The following WWOX variants were observed in gnomAD, a reference collection of about 807,000 sequenced individuals.
The protein encoded by WWOX is WW domain containing oxidoreductase.
A neutral mutation model predicts 46.2 loss-of-function variants in WWOX; 69 were observed. That is an observed-to-expected ratio of 1.49 (90% CI 1.23 to 1.82). The LOEUF (loss-of-function observed/expected upper bound fraction) is 1.82, where lower values mean the gene tolerates loss of function less well. Among genes scored for constraint, WWOX ranks in the 40% most tolerant of loss-of-function variants. The pLI, the probability that WWOX is intolerant of heterozygous loss-of-function variation, is 0.00. For synonymous variants in WWOX, 359 were observed against 202.6 expected (o/e 1.77, Z -6.56); for missense variants, 919 against 542.6 (o/e 1.69, Z -6.89).
intron 8 of WWOX, among the ~76,000 whole-genome samples, chr16:78,913,887 C>T (rs1276579958): frequency 6.6e-6 from 1 of 151,924 alleles, no homozygotes; most frequent in Non-Finnish European, 1.5e-5. Flanking sequence ...TCTCAAAGTC[C>T]TGGCCTCAAG....
chr16:78,529,632 A>AT (rs934838713), intron 8 of WWOX, among the ~76,000 whole-genome samples: 50 of 149,318 alleles, frequency 3.3e-4, no homozygotes, highest in East Asian at 2.2e-3. Context: ...ACACCTGGCA[A>AT]TTTTTTTTTT....
At chr16:79,187,984 C>G (rs190757352) in intron 8 of WWOX, among the ~76,000 whole-genome samples, 92 of 152,372 alleles carry the variant, frequency 6.0e-4, no homozygotes, top group Admixed American at 3.3e-3. Context: ...TCCACTCTCT[C>G]TCCCATGCAC....
chr16:78,628,946 C>G (rs1353746072), intron 8 of WWOX, among the ~76,000 whole-genome samples: 1 of 152,190 alleles, frequency 6.6e-6, no homozygotes, highest in African/African-American at 2.4e-5. Flanking sequence ...GGAGATGTTT[C>G]CGTTCTATTT....
At chr16:78,384,427 T>C (rs989594825) in intron 5 of WWOX, among the ~76,000 whole-genome samples, 3 of 152,152 alleles carry the variant, frequency 2.0e-5, no homozygotes, top group East Asian at 1.9e-4. Flanking sequence ...ATTTACACTT[T>C]GAAAATATTT....
At position 78,679,573 on chromosome 16, in the gene WWOX, A is replaced by T. The variant is rs149508978; in HGVS notation, c.1056+246821A>T. On this transcript the variant is annotated intron_variant, in intron 8 of 8. Transcript: ENST00000566780. ...CTCAAAACATAAGTAAATAAATAAAAAATAAATATAATACAGACACAGGCT... is the reference window on the plus strand; with the variant it reads ...CTCAAAACATAAGTAAATAAATAAATAATAAATATAATACAGACACAGGCT... 3.9e-5 allele frequency among the ~76,000 whole-genome samples: 6 copies of T among 152,254 alleles called. No homozygotes were observed. In the South Asian group the frequency reaches 1.0e-3, roughly 26 times the overall value.
chr16:78,994,355 C>T (rs1370225916), intron 8 of WWOX: 1 of 152,082 alleles, frequency 6.6e-6, no homozygotes, highest in Non-Finnish European at 1.5e-5. Context: ...ACGTAATGTG[C>T]TTTAAAGAAA....
chr16:78,363,875 G>C (rs557503824), intron 5 of WWOX, among the ~76,000 whole-genome samples: 1 of 152,308 alleles, frequency 6.6e-6, no homozygotes, highest in South Asian at 2.1e-4. Flanking sequence ...GCAGGGCCTG[G>C]ATGGGAAGCC....
intron 8 of WWOX, among the ~76,000 whole-genome samples, chr16:78,645,008 G>C (rs771297282): frequency 6.6e-6 from 1 of 152,152 alleles, no homozygotes; most frequent in Non-Finnish European, 1.5e-5. Flanking sequence ...TAAGATGAAG[G>C]AAATCATTAA....
At chr16:78,968,458 G>T (rs1245113341) in intron 8 of WWOX, among the ~76,000 whole-genome samples, 1 of 152,226 alleles carries the variant, frequency 6.6e-6, no homozygotes, top group Non-Finnish European at 1.5e-5. Context: ...CACCAACCTT[G>T]CAAAATGAGA....
chr16:78,594,432 C>A (rs201463267), intron 8 of WWOX, among the ~76,000 whole-genome samples: 2 of 35,034 alleles, frequency 5.7e-5, no homozygotes, highest in Non-Finnish European at 1.2e-4. Context: ...AGGAAAGGCC[C>A]CCCCCCCCCC....
intron 8 of WWOX, among the ~76,000 whole-genome samples, chr16:79,007,067 G>A (rs1284429447): frequency 6.6e-6 from 1 of 152,076 alleles, no homozygotes; most frequent in East Asian, 1.9e-4. Flanking sequence ...CCTTCCACAG[G>A]CACTTTGTCA....
intron 8 of WWOX, among the ~76,000 whole-genome samples, chr16:79,192,672 T>G (rs1222452279): frequency 6.6e-6 from 1 of 152,206 alleles, no homozygotes; most frequent in Non-Finnish European, 1.5e-5. Context: ...CATTTTTGCT[T>G]TATTTCTTTT....
At chr16:78,536,528 C>A (rs2043763275) in intron 8 of WWOX, among the ~76,000 whole-genome samples, 1 of 152,150 alleles carries the variant, frequency 6.6e-6, no homozygotes, top group Non-Finnish European at 1.5e-5. Flanking sequence ...TTGTTTTTCT[C>A]TTGGTGCAAC....
intron 8 of WWOX, among the ~76,000 whole-genome samples, chr16:78,836,065 C>G (rs2051974430): frequency 6.6e-6 from 1 of 152,106 alleles, no homozygotes; most frequent in African/African-American, 2.4e-5. Context: ...TCACATTGTT[C>G]TATTGATTTC....
intron 8 of WWOX, among the ~76,000 whole-genome samples, chr16:78,739,323 C>A (rs569040623): frequency 6.6e-6 from 1 of 152,278 alleles, no homozygotes; most frequent in African/African-American, 2.4e-5. Context: ...GGTGCCCAGA[C>A]GTTCCCAACA....
intron 8 of WWOX, among the ~76,000 whole-genome samples, chr16:78,875,380 C>G (rs185260822): frequency 6.6e-6 from 1 of 152,274 alleles, no homozygotes; most frequent in East Asian, 1.9e-4. Context: ...TAAGACATTT[C>G]CAGTGTCTAG....
intron 8 of WWOX, among the ~76,000 whole-genome samples, chr16:78,822,799 C>G (rs2051539643): frequency 6.6e-6 from 1 of 152,086 alleles, no homozygotes; most frequent in African/African-American, 2.4e-5. Flanking sequence ...AGTCTACTTT[C>G]TCTTCAAGAA....
chr16:78,301,809 C>T (rs776296613), intron 5 of WWOX, among the ~76,000 whole-genome samples: 3 of 152,136 alleles, frequency 2.0e-5, no homozygotes, highest in Non-Finnish European at 4.4e-5. Context: ...CTCAGGATTA[C>T]GTTACCTAGG....
chr16:78,515,091 G>C (rs904560064), intron 8 of WWOX, among the ~76,000 whole-genome samples: 8 of 152,146 alleles, frequency 5.3e-5, no homozygotes, highest in African/African-American at 1.9e-4. Context: ...GAACCTGGTG[G>C]TTCACGCCTG....
Sources: gnomAD v4.1 joint callset for allele counts (sites outside exome capture counted in the v4.1 genomes callset) on GRCh38, gnomAD v4.1.1 for gene constraint, MANE v1.5 for transcripts, NCBI Gene and HGNC (gene_info 2026-07-23, HGNC 2026-07-21) for gene names.